Variants in WDR89 observed in about 807,000 individuals in gnomAD.
The protein encoded by WDR89 is WD repeat-containing protein 89.
In WDR89, 17 loss-of-function variants were observed where a neutral mutation model predicts 29.1. The observed-to-expected ratio is 0.58, with a 90% CI of 0.40 to 0.88. The LOEUF is 0.88. Among genes scored for constraint, WDR89 ranks in the 40% least tolerant of loss-of-function variants. The pLI, the probability that WDR89 is intolerant of heterozygous loss-of-function variation, is 0.00. For synonymous variants in WDR89, 138 were observed against 157.8 expected, an observed-to-expected ratio of 0.87 and a Z score of 0.94; for missense variants, 396 against 456.3, an observed-to-expected ratio of 0.87 and a Z score of 1.20.
At chr14:63,612,622 G>A (rs556952495) in intron 2 of WDR89, among the ~76,000 whole-genome samples, 11 of 152,038 alleles carry the variant, frequency 7.2e-5, no homozygotes, top group Admixed American at 4.6e-4. Context: ...TGATCCATCC[G>A]CCTCGGCCTC....
intron 2 of WDR89, among the ~76,000 whole-genome samples, chr14:63,609,791 A>G (rs1881834399): frequency 6.6e-6 from 1 of 152,114 alleles, no homozygotes; most frequent in African/African-American, 2.4e-5. Context: ...TGTCTCAACA[A>G]AAAAATAAAA....
At chr14:63,621,165 C>G (rs1051835766) in intron 2 of WDR89, among the ~76,000 whole-genome samples, 1 of 152,066 alleles carries the variant, frequency 6.6e-6, no homozygotes, top group Admixed American at 6.6e-5. Flanking sequence ...AATGTAGCAG[C>G]CTCTGTGGAA....
At chr14:63,633,216 C>G (rs1346401062) in intron 1 of WDR89, among the ~76,000 whole-genome samples, 1 of 151,948 alleles carries the variant, frequency 6.6e-6, no homozygotes, top group Non-Finnish European at 1.5e-5. Context: ...ATTTCCACCC[C>G]TTTTATGTAT....
At chr14:63,628,547 AC>A (rs1182741990) in intron 1 of WDR89, among the ~76,000 whole-genome samples, 1 of 152,252 alleles carries the variant, frequency 6.6e-6, no homozygotes, top group East Asian at 1.9e-4. Context: ...GCTAGGACAG[AC>A]CCTAGAGATG....
At chr14:63,614,599 G>A (rs1882191463) in intron 2 of WDR89, among the ~76,000 whole-genome samples, 1 of 152,158 alleles carries the variant, frequency 6.6e-6, no homozygotes, top group African/African-American at 2.4e-5. Flanking sequence ...ACACATATGC[G>A]TTACCAGTAT....
At chr14:63,635,036 A>C (rs1176529431) in intron 1 of WDR89, among the ~76,000 whole-genome samples, 1 of 152,082 alleles carries the variant, frequency 6.6e-6, no homozygotes, top group East Asian at 1.9e-4. Flanking sequence ...ATGGATTCAC[A>C]GCAGAATTCT....
chr14:63,608,383 A>AAAAT (rs1167114653), intron 2 of WDR89, among the ~76,000 whole-genome samples: 2 of 152,186 alleles, frequency 1.3e-5, no homozygotes, highest in African/African-American at 4.8e-5. Context: ...TTTCTCAAAA[A>AAAAT]AAATAAATAA....
At chr14:63,625,385 T>TATTCATCAAACTACATACTTACA (rs1227045422) in intron 1 of WDR89, among the ~76,000 whole-genome samples, 1 of 128,764 alleles carries the variant, frequency 7.8e-6, no homozygotes. Flanking sequence ...CACAACTGTG[T>TATTCATCAAACTACATACTTACA]ATTCATCAAA....
intron 1 of WDR89, among the ~76,000 whole-genome samples, chr14:63,627,354 A>G (rs1392794191): frequency 6.6e-6 from 1 of 152,024 alleles, no homozygotes; most frequent in Non-Finnish European, 1.5e-5. Context: ...AAAACCTAAC[A>G]GCCTGAATAT....
At chr14:63,626,144 A>G (rs375761042) in intron 1 of WDR89, among the ~76,000 whole-genome samples, 4 of 152,072 alleles carry the variant, frequency 2.6e-5, no homozygotes, top group South Asian at 2.1e-4. Flanking sequence ...GAGCCACCAC[A>G]CCCACCCATG....
intron 2 of WDR89, among the ~76,000 whole-genome samples, chr14:63,610,219 T>TTAAAA (rs575027710): frequency 3.1e-5 from 2 of 65,326 alleles, no homozygotes; most frequent in African/African-American, 1.4e-4. Context: ...GACTCTGTCT[T>TTAAAA]AAAAAAAAAA....
chr14:63,632,830 C>T (rs1307685478), intron 1 of WDR89, among the ~76,000 whole-genome samples: 5 of 152,138 alleles, frequency 3.3e-5, no homozygotes, highest in African/African-American at 9.7e-5. Flanking sequence ...TTACCATTCT[C>T]GGTTACCATG....
In WDR89 at chr14:63,600,060, T is replaced by C. The variant is rs1222042143; in HGVS notation, c.-31-87A>G. 3 of 779,486 alleles carry C rather than the reference T, an allele frequency of 3.8e-6. No individual in the cohort carries two copies. In the African/African-American group the frequency reaches 5.4e-5, roughly 14 times the overall value. 48.3% of individuals were successfully genotyped at this position (779,486 alleles called of 1,614,324 possible). ...AATTTAACTTGAAGTTTCTCTAAAA[T>C]TGCAATTAAATCAAGAACATTTTCC... On this transcript the variant is annotated intron_variant, in intron 2 of 2. Transcript: ENST00000620954.
chr14:63,639,337 T>G (rs150238255), intron 1 of WDR89, among the ~76,000 whole-genome samples: 2 of 120,716 alleles, frequency 1.7e-5, no homozygotes, highest in Admixed American at 1.1e-4. Context: ...CTGGGCAACA[T>G]AGCGAGACCT....
intron 2 of WDR89, among the ~76,000 whole-genome samples, chr14:63,612,627 G>A (rs186361190): frequency 1.3e-5 from 2 of 151,986 alleles, no homozygotes; most frequent in Admixed American, 1.3e-4. Flanking sequence ...CATCCGCCTC[G>A]GCCTCCCAAA....
chr14:63,612,469 G>A (rs1388999501), intron 2 of WDR89, among the ~76,000 whole-genome samples: 1 of 151,872 alleles, frequency 6.6e-6, no homozygotes, highest in Non-Finnish European at 1.5e-5. Context: ...TCTGCCTCCC[G>A]GGTTCAAGCG....
intron 2 of WDR89, among the ~76,000 whole-genome samples, chr14:63,615,760 C>T (rs1882264475): frequency 6.6e-6 from 1 of 151,950 alleles, no homozygotes; most frequent in South Asian, 2.1e-4. Flanking sequence ...CCTGTCCCTA[C>T]TAAAAATACA....
At chr14:63,620,345 T>C (rs1032449470) in intron 2 of WDR89, among the ~76,000 whole-genome samples, 1 of 152,222 alleles carries the variant, frequency 6.6e-6, no homozygotes, top group African/African-American at 2.4e-5. Flanking sequence ...GAAAGCCAAA[T>C]ACCACATGAT....
rs187661164 is a variant in WDR89, at chr14:63,602,602, G to A, written c.-31-2629C>T. Among the ~76,000 whole-genome samples, 110 of 150,632 alleles carry A rather than the reference G, an allele frequency of 7.3e-4. 2 individuals are homozygous for A. The East Asian group carries it at 0.012, about 17-fold the overall frequency. On this transcript the variant is annotated intron_variant, in intron 2 of 2. Coordinates refer to ENST00000620954, the MANE Select transcript of WDR89 (RefSeq NM_080666.4). ...AGTCTGACCGACATGGAAAAACCCCGTCTCTATTAAAAATACAAAATTAGC... is the reference window on the plus strand; with the variant it reads ...AGTCTGACCGACATGGAAAAACCCCATCTCTATTAAAAATACAAAATTAGC...
Sources: allele counts gnomAD v4.1 joint callset (sites outside exome capture counted in the v4.1 genomes callset), GRCh38; gene constraint gnomAD v4.1.1; transcripts MANE v1.5; gene names NCBI Gene and HGNC (gene_info 2026-07-23, HGNC 2026-07-21).